The following ZFPM1 variants were observed in gnomAD, a reference collection of about 807,000 sequenced individuals.
ZFPM1 encodes the protein zinc finger protein ZFPM1.
A neutral mutation model predicts 46.3 loss-of-function variants in ZFPM1; 28 were observed. That is an observed-to-expected ratio of 0.60 (90% confidence interval 0.45 to 0.83). ZFPM1 has a LOEUF of 0.83. ZFPM1 is among the 40% of genes least tolerant of loss of function. ZFPM1 has a pLI of 0.00. For synonymous variants in ZFPM1, 957 were observed against 675.9 expected, an observed-to-expected ratio of 1.42 and a Z score of -6.45; for missense variants, 1,878 against 1,432.4, an observed-to-expected ratio of 1.31 and a Z score of -5.02.
intron 1 of ZFPM1, among the ~76,000 whole-genome samples, chr16:88,462,371 T>C (rs1907936980): frequency 2.0e-5 from 3 of 152,234 alleles, no homozygotes; most frequent in African/African-American, 7.2e-5. Flanking sequence ...GGCATCCCCG[T>C]TCTGCCCTTC....
In ZFPM1 at chr16:88,534,293, C is replaced by G; in HGVS notation, c.2335C>G (p.Pro779Ala). 1 of 1,218,608 alleles carries G rather than the reference C, an allele frequency of 8.2e-7. No individual in the cohort carries two copies. Among genetic ancestry groups the G allele is most frequent in the Non-Finnish European group, 1.0e-6 (1 of 980,426 alleles). The allele number at this position is 1,218,608 out of a possible 1,614,324, so 75.5% of individuals were successfully genotyped here. The change falls in exon 10 of 10, where the codon CCC (proline) becomes GCC (alanine). Residue 779 changes from proline (P) to alanine (A), a missense_variant. Coordinates refer to ENST00000319555, the MANE Select transcript of ZFPM1 (RefSeq NM_153813.3). ...PRPGSGSGSG[P>A]GLAPARSPGP... ...GCCCGGAAGCGGAAGCGGAAGCGGC[C>G]CCGGCCTCGCCCCTGCGCGCTCGCC... is the stretch of plus-strand genomic sequence containing the variant.
intron 4 of ZFPM1, among the ~76,000 whole-genome samples, chr16:88,516,881 C>T (rs1422798939): frequency 3.9e-5 from 6 of 152,188 alleles, no homozygotes; most frequent in South Asian, 2.1e-4. Context: ...GCTCACAGGC[C>T]GGGATGAACA....
chr16:88,496,075 T>A (rs1909915209), intron 3 of ZFPM1, among the ~76,000 whole-genome samples: 1 of 152,082 alleles, frequency 6.6e-6, no homozygotes, highest in Non-Finnish European at 1.5e-5. Flanking sequence ...GGACACTCCA[T>A]CCCAGAGTCC....
intron 1 of ZFPM1, among the ~76,000 whole-genome samples, chr16:88,485,373 G>C (rs989345985): frequency 2.0e-5 from 3 of 152,254 alleles, no homozygotes; most frequent in Non-Finnish European, 4.4e-5. Context: ...AGGTAAGGGT[G>C]GGCGGAGGCG....
intron 1 of ZFPM1, among the ~76,000 whole-genome samples, chr16:88,473,371 G>A (rs1341689601): frequency 1.3e-5 from 2 of 152,240 alleles, no homozygotes; most frequent in African/African-American, 4.8e-5. Flanking sequence ...TCAGGCCTCA[G>A]CCCAGCTGTA....
chr16:88,535,039 G>T lies in ZFPM1; in HGVS notation c.*60G>T. The T allele has an allele frequency of 7.4e-7, 1 of 1,349,064 alleles. No homozygotes were observed. Among genetic ancestry groups the T allele is most frequent in the Non-Finnish European group, 9.6e-7 (1 of 1,043,406 alleles). 83.6% of individuals were successfully genotyped at this position (1,349,064 alleles called of 1,614,324 possible). On this transcript the variant is annotated 3_prime_UTR_variant, in exon 10 of 10. Transcript: ENST00000319555. ...CCCGCTGCGATGCGGGGAGGGGGCC[G>T]CCCCCAGGCCGCACGGACTGCCGCT...
chr16:88,514,660 G>T, intron 4 of ZFPM1, 140 bp downstream of exon 4: 3 of 1,203,870 alleles, frequency 2.5e-6, no homozygotes, highest in Non-Finnish European at 3.4e-6. Flanking sequence ...GGACCTGGAG[G>T]ATAGGGAGGG....
intron 3 of ZFPM1, among the ~76,000 whole-genome samples, chr16:88,490,866 A>G (rs546274690): frequency 2.6e-4 from 39 of 152,266 alleles, no homozygotes; most frequent in Admixed American, 7.2e-4. Flanking sequence ...ACAGCAGATG[A>G]TGTGACTTGC....
At chr16:88,478,495 C>T (rs1665965279) in intron 1 of ZFPM1, among the ~76,000 whole-genome samples, 2 of 152,268 alleles carry the variant, frequency 1.3e-5, no homozygotes, top group Non-Finnish European at 2.9e-5. Context: ...CACCTGGTGC[C>T]GGCATCCCTG....
rs924925398 is a variant in ZFPM1 at position 88,480,318 on chromosome 16, C to T, written c.41-5621C>T. On this transcript the variant is annotated intron_variant, in intron 1 of 9. Transcript: ENST00000319555. The surrounding 1 kb of genome is among the most constrained non-coding windows in gnomAD (Gnocchi z 4.9). ...GGTCACTGCAGGATCTCTGGCACCT[C>T]GTGAGGGTGGGGCACGCCAAGGGCT... Among the ~76,000 whole-genome samples, 1 of 152,070 alleles carries T rather than the reference C, an allele frequency of 6.6e-6. No individual in the cohort carries two copies. The highest frequency in any genetic ancestry group is 1.5e-5 in the Non-Finnish European group (1 of 68,014).
At chr16:88,519,418 T>G (rs138625099) in intron 4 of ZFPM1, among the ~76,000 whole-genome samples, 1 of 148,656 alleles carries the variant, frequency 6.7e-6, no homozygotes, top group Non-Finnish European at 1.5e-5. Flanking sequence ...AATGGGTGGA[T>G]AGATGGATGG....
At chr16:88,516,489 C>T (rs867935769) in intron 4 of ZFPM1, 9 of 398,450 alleles carry the variant, frequency 2.3e-5, no homozygotes, top group Non-Finnish European at 3.1e-5. Context: ...AAGGAGCCCC[C>T]GCTCCACTCT....
intron 3 of ZFPM1, among the ~76,000 whole-genome samples, chr16:88,489,648 C>A (rs191589499): frequency 0.012 from 1,882 of 152,324 alleles, 39 homozygotes; most frequent in African/African-American, 0.043. Context: ...GTCCCATCCA[C>A]ATACCCCGCG....
chr16:88,500,905 C>T (rs1216147504), intron 3 of ZFPM1, among the ~76,000 whole-genome samples: 1 of 152,274 alleles, frequency 6.6e-6, no homozygotes, highest in African/African-American at 2.4e-5. Flanking sequence ...TCGGTGTCCT[C>T]ACCTGACCGA....
At chr16:88,464,896 C>G (rs540822056) in intron 1 of ZFPM1, among the ~76,000 whole-genome samples, 5 of 152,338 alleles carry the variant, frequency 3.3e-5, no homozygotes, top group African/African-American at 9.6e-5. Context: ...ACATTCCCCA[C>G]CAGCGATCCG....
chr16:88,481,584 C>A (rs1367046906), intron 1 of ZFPM1, among the ~76,000 whole-genome samples: 1 of 152,050 alleles, frequency 6.6e-6, no homozygotes, highest in Non-Finnish European at 1.5e-5. Flanking sequence ...ATGGCTGCCC[C>A]CAAGGTCCTG....
rs1406625867 is a variant in ZFPM1 at position 88,534,303 on chromosome 16, C to T, written c.2345C>T (p.Ala782Val). 3 of 1,293,484 alleles carry T rather than the reference C, an allele frequency of 2.3e-6. No individual in the cohort carries two copies. The highest frequency in any genetic ancestry group is 7.7e-5 in the Admixed American group (2 of 26,100). The allele number at this position is 1,293,484 out of a possible 1,614,324, so 80.1% of individuals were successfully genotyped here. The change falls in exon 10 of 10, where the codon GCC (alanine) becomes GTC (valine). Residue 782 changes from alanine to valine, a missense_variant. Coordinates refer to ENST00000319555, the MANE Select transcript of ZFPM1 (RefSeq NM_153813.3). ...GSGSGSGPGL[A>V]PARSPGPAAD... ...GGAAGCGGAAGCGGCCCCGGCCTCG[C>T]CCCTGCGCGCTCGCCCGGCCCCGCG...
intron 1 of ZFPM1, among the ~76,000 whole-genome samples, chr16:88,468,125 C>T (rs1276981330): frequency 2.2e-5 from 3 of 134,142 alleles, no homozygotes; most frequent in Non-Finnish European, 3.1e-5. Flanking sequence ...CCGCCCCTCA[C>T]GCACCCGCGA....
intron 5 of ZFPM1, 42 bp downstream of exon 5, chr16:88,526,958 G>A: frequency 6.5e-7 from 1 of 1,532,168 alleles, no homozygotes; most frequent in Non-Finnish European, 8.8e-7. Flanking sequence ...CTTCCGGAAG[G>A]TGGGGGTCAC....
Sources: gnomAD v4.1 joint callset for allele counts (sites outside exome capture counted in the v4.1 genomes callset) on GRCh38, gnomAD v4.1.1 for gene constraint, Gnocchi (gnomAD v3.1) non-coding constraint, MANE v1.5 for transcripts, NCBI Gene and HGNC (gene_info 2026-07-23, HGNC 2026-07-21) for gene names.